Variants in GALNT6 observed in about 807,000 individuals in gnomAD.
GALNT6 encodes polypeptide N-acetylgalactosaminyltransferase 6, also known as GalNAc transferase 6.
GALNT6 carries 51 observed loss-of-function variants against 65.9 expected under a neutral mutation model. That is an observed-to-expected ratio of 0.77 (90% CI 0.62 to 0.98). The LOEUF is 0.98. Ranked by LOEUF, GALNT6 falls within the 50% of genes least tolerant of loss-of-function variation. The pLI is 0.00. For synonymous variants in GALNT6, 323 were observed against 315.1 expected, an observed-to-expected ratio of 1.02 and a Z score of -0.26; for missense variants, 708 against 803.3, an observed-to-expected ratio of 0.88 and a Z score of 1.43.
At chr12:51,354,540 A>G (rs1185489695) in intron 11 of GALNT6, 48 bp from the exon 12 acceptor site, 2 of 1,248,448 alleles carry the variant, frequency 1.6e-6, no homozygotes, top group Non-Finnish European at 2.3e-6. Context: ...AGACCTCTTA[A>G]CGGTGCTACC....
intron 4 of GALNT6, among the ~76,000 whole-genome samples, chr12:51,369,771 C>T (rs1947228864): frequency 6.6e-6 from 1 of 152,178 alleles, no homozygotes; most frequent in Non-Finnish European, 1.5e-5. Context: ...ACCTGGAAGT[C>T]ATGCTAGAAT....
At chr12:51,368,473 C>T (rs540701533) in intron 4 of GALNT6, among the ~76,000 whole-genome samples, 4 of 149,882 alleles carry the variant, frequency 2.7e-5, no homozygotes, top group Admixed American at 1.3e-4. Context: ...GGTGCAATCT[C>T]GACTCACCAC....
chr12:51,367,841 T>C (rs530209495), intron 4 of GALNT6, among the ~76,000 whole-genome samples: 3 of 152,286 alleles, frequency 2.0e-5, no homozygotes, highest in Admixed American at 2.0e-4. Context: ...TTCTCTATGA[T>C]AGTTAACAAC....
chr12:51,388,112 T>C (rs1039460617), intron 2 of GALNT6, among the ~76,000 whole-genome samples: 1 of 152,206 alleles, frequency 6.6e-6, no homozygotes, highest in African/African-American at 2.4e-5. Flanking sequence ...TCGTTTTTAA[T>C]CCTGTCTCAA....
chr12:51,389,724 C>A (rs549827137), intron 2 of GALNT6, among the ~76,000 whole-genome samples: 1 of 152,286 alleles, frequency 6.6e-6, no homozygotes, highest in East Asian at 1.9e-4. Context: ...GAGGTCTGTT[C>A]GAGGCAATGG....
rs181241304 is a variant in GALNT6, at chr12:51,381,331, G to A, written c.-103-1447C>T. Reference sequence around the variant, plus strand: ...TAAGATTTCATGACAAGACATTCCCGGCAGGGCTGGGCATGGGCGTTCACC... The same window carrying A: ...TAAGATTTCATGACAAGACATTCCCAGCAGGGCTGGGCATGGGCGTTCACC... On this transcript the variant is annotated intron_variant, in intron 2 of 11. Transcript: ENST00000356317. 4.1e-3 allele frequency among the ~76,000 whole-genome samples: 626 copies of A among 152,222 alleles called. 14 individuals are homozygous for A. The highest frequency in any genetic ancestry group is 1.4e-3 in the Non-Finnish European group (97 of 68,012).
At position 51,354,474 on chromosome 12, in the gene GALNT6, A is replaced by T. The variant is rs770037660; in HGVS notation, c.1774T>A (p.Ser592Thr). Residue 592 changes from serine to threonine, a missense_variant, in exon 12 of 12, where the codon TCA (serine) becomes ACA (threonine). Transcript: ENST00000356317. ...GATGTCAGGCAGGTACCAGATCCTG[A>T]GTTCCTGATGAGCTGATCCTAAAAG... ...ELAQDQLIRN[S>T]GSGTCLTSQD... 3 of 1,597,384 alleles carry T rather than the reference A, an allele frequency of 1.9e-6. No individual in the cohort carries two copies. The Admixed American group carries it at 5.2e-5, about 28-fold the overall frequency.
chr12:51,387,508 G>A lies in GALNT6; in HGVS notation c.-104+3342C>T, dbSNP rs1261095323. Among the ~76,000 whole-genome samples the A allele has an allele frequency of 1.3e-5, 2 of 152,190 alleles. No individual in the cohort carries two copies. The highest frequency in any genetic ancestry group is 2.9e-5 in the Non-Finnish European group (2 of 68,030). On this transcript the variant is annotated intron_variant, in intron 2 of 11. Coordinates refer to ENST00000356317, the MANE Select transcript of GALNT6 (RefSeq NM_007210.4). This position sits in a 1 kb window ranked among gnomAD's most constrained non-coding sequence, Gnocchi z 4.2. Reference sequence around the variant, plus strand: ...TACCTAGAGCAGCGCTTGGCATGTGGTAGGCACTTGGTTAATATTTGTTGA... The same window carrying A: ...TACCTAGAGCAGCGCTTGGCATGTGATAGGCACTTGGTTAATATTTGTTGA...
rs1260678282 is a variant in GALNT6, at chr12:51,387,406, CATG to C, written c.-104+3441_-104+3443del. Among the ~76,000 whole-genome samples the C allele has an allele frequency of 6.6e-6, 1 of 152,128 alleles. No individual in the cohort carries two copies. On this transcript the variant is annotated intron_variant, in intron 2 of 11. Coordinates refer to ENST00000356317, the MANE Select transcript of GALNT6 (RefSeq NM_007210.4). The surrounding 1 kb of genome is among the most constrained non-coding windows in gnomAD (Gnocchi z 4.2). ...TGAGCCAATGCATCCAGCCTGTTTGCATGATATTTTAAGCTTAAATTACCCAAA... is the reference window on the plus strand; with the variant it reads ...TGAGCCAATGCATCCAGCCTGTTTGCATATTTTAAGCTTAAATTACCCAAA...
intron 3 of GALNT6, 133 bp from the exon 4 acceptor site, chr12:51,377,500 TG>T (rs1407377748): frequency 1.1e-5 from 8 of 713,158 alleles, no homozygotes; most frequent in Non-Finnish European, 1.9e-5. Flanking sequence ...CTATAGCAGG[TG>T]GGAACAGCTG....
chr12:51,366,721 G>T (rs934394427), intron 4 of GALNT6, among the ~76,000 whole-genome samples: 1 of 152,154 alleles, frequency 6.6e-6, no homozygotes, highest in East Asian at 1.9e-4. Context: ...TTTGAGGAGC[G>T]GGGAAAGCTT....
At chr12:51,384,683 C>G (rs573997339) in intron 2 of GALNT6, among the ~76,000 whole-genome samples, 1 of 113,674 alleles carries the variant, frequency 8.8e-6, no homozygotes, top group African/African-American at 3.3e-5. Flanking sequence ...CAGAGCAAGA[C>G]TCTGTCTCAA....
chr12:51,385,685 C>T (rs1163793581), intron 2 of GALNT6, among the ~76,000 whole-genome samples: 1 of 152,154 alleles, frequency 6.6e-6, no homozygotes, highest in Non-Finnish European at 1.5e-5. Flanking sequence ...TGCTTTGCCC[C>T]CTTAGCACCC....
intron 2 of GALNT6, among the ~76,000 whole-genome samples, chr12:51,383,117 A>G (rs1296981311): frequency 6.6e-6 from 1 of 152,206 alleles, no homozygotes; most frequent in Non-Finnish European, 1.5e-5. Flanking sequence ...AAGCTGAGAG[A>G]GGTAGAGTTC....
chr12:51,371,834 T>C (rs572886035), intron 4 of GALNT6, among the ~76,000 whole-genome samples: 1 of 152,252 alleles, frequency 6.6e-6, no homozygotes, highest in Non-Finnish European at 1.5e-5. Flanking sequence ...GCAGGGACAT[T>C]GTATTTCGGC....
At chr12:51,367,785 G>C (rs1432790222) in intron 4 of GALNT6, among the ~76,000 whole-genome samples, 1 of 152,214 alleles carries the variant, frequency 6.6e-6, no homozygotes, top group South Asian at 2.1e-4. Flanking sequence ...AGTGTGTGCC[G>C]GTGTGGGTGA....
intron 2 of GALNT6, among the ~76,000 whole-genome samples, chr12:51,390,162 T>TCTTTCTTTCTTTCTTTC (rs1565741219): frequency 1.5e-4 from 17 of 113,428 alleles, no homozygotes; most frequent in African/African-American, 4.9e-4. Flanking sequence ...CTTTCTTTTT[T>TCTTTCTTTCTTTCTTTC]TTTTTTTTTT....
At chr12:51,364,412 C>A in intron 5 of GALNT6, 57 bp from the exon 6 acceptor site, 3 of 1,258,814 alleles carry the variant, frequency 2.4e-6, no homozygotes, top group Non-Finnish European at 3.5e-6. Flanking sequence ...AGAGCCCAAG[C>A]TGCATCCTGG....
chr12:51,359,415 A>G (rs1946850835), intron 7 of GALNT6, 83 bp from the exon 8 acceptor site: 2 of 927,664 alleles, frequency 2.2e-6, no homozygotes, highest in Middle Eastern at 3.5e-4. Context: ...CTATTCCCAG[A>G]GCACCAGACC....
Sources: allele counts gnomAD v4.1 joint callset (sites outside exome capture counted in the v4.1 genomes callset), GRCh38; gene constraint gnomAD v4.1.1; non-coding constraint Gnocchi (gnomAD v3.1); transcripts MANE v1.5; gene names NCBI Gene and HGNC (gene_info 2026-07-23, HGNC 2026-07-21).